AK9: variants seen among roughly 807,000 people sequenced by gnomAD.
The protein encoded by AK9 is adenylate kinase domain containing 1.
AK9 carries 191 observed loss-of-function variants against 239.6 expected under a neutral mutation model. The observed-to-expected ratio is 0.80, with a 90% CI of 0.71 to 0.90. The LOEUF (loss-of-function observed/expected upper bound fraction) is 0.90. Ranked by LOEUF, AK9 falls within the 40% of genes least tolerant of loss-of-function variation. The pLI, the probability that AK9 is intolerant of heterozygous loss-of-function variation, is 0.00. For synonymous variants in AK9, 689 were observed against 721.0 expected (o/e 0.96, Z 0.71); for missense variants, 1,995 against 2,214.7 (o/e 0.90, Z 1.99).
At chr6:109,599,081 A>G (rs375475814) in intron 17 of AK9, among the ~76,000 whole-genome samples, 7 of 152,204 alleles carry the variant, frequency 4.6e-5, no homozygotes, top group African/African-American at 1.4e-4. Context: ...TAGTTTAATT[A>G]GATTCCATTA....
intron 6 of AK9, among the ~76,000 whole-genome samples, chr6:109,660,775 A>G (rs549906635): frequency 6.6e-6 from 1 of 152,268 alleles, no homozygotes; most frequent in South Asian, 2.1e-4. Context: ...AGGGCTTTGC[A>G]ACACTAATAG....
chr6:109,603,831 A>G (rs1792446338), intron 17 of AK9, among the ~76,000 whole-genome samples: 1 of 152,206 alleles, frequency 6.6e-6, no homozygotes, highest in Non-Finnish European at 1.5e-5. Context: ...CTGCTGTGCT[A>G]GCAATGAGTG....
intron 24 of AK9, among the ~76,000 whole-genome samples, chr6:109,562,207 AT>A (rs1443903071): frequency 1.3e-5 from 2 of 151,778 alleles, no homozygotes; most frequent in South Asian, 4.2e-4. Context: ...TGCTCTTCTC[AT>A]TTTTTTTCAG....
intron 31 of AK9, among the ~76,000 whole-genome samples, 184 bp from the exon 32 acceptor site, chr6:109,514,621 G>A (rs899944376): frequency 4.6e-5 from 7 of 152,128 alleles, no homozygotes; most frequent in Non-Finnish European, 7.4e-5. Context: ...TTTTACAGCC[G>A]TATGTAATGA....
chr6:109,605,846 G>A (rs1332369212), intron 17 of AK9, among the ~76,000 whole-genome samples: 1 of 152,110 alleles, frequency 6.6e-6, no homozygotes, highest in Non-Finnish European at 1.5e-5. Flanking sequence ...CCTTAGTTGG[G>A]ATAACTGTGG....
intron 25 of AK9, chr6:109,549,664 C>CTTTTTTTTTTTTTTTTTTT (rs1196364045): frequency 5.7e-5 from 7 of 122,104 alleles, no homozygotes; most frequent in African/African-American, 1.8e-4. Flanking sequence ...TAGATATTTT[C>CTTTTTTTTTTTTTTTTTTT]TTTTTTTTTT....
intron 35 of AK9, among the ~76,000 whole-genome samples, chr6:109,504,205 A>G (rs1777877172): frequency 1.3e-5 from 2 of 151,978 alleles, no homozygotes. Context: ...CTATAAAAAC[A>G]TTTAAAAAAT....
chr6:109,593,962 G>A (rs184552786), intron 17 of AK9, among the ~76,000 whole-genome samples: 17 of 152,282 alleles, frequency 1.1e-4, no homozygotes, highest in African/African-American at 3.8e-4. Flanking sequence ...CACAAGACAA[G>A]GATGCCCTCT....
intron 33 of AK9, 73 bp downstream of exon 33, chr6:109,509,106 T>A: frequency 1.4e-6 from 2 of 1,420,106 alleles, no homozygotes; most frequent in Non-Finnish European, 1.9e-6. Flanking sequence ...ATGTAAGTGT[T>A]TTAAATCACG....
chr6:109,552,669 T>C (rs1784505399), intron 24 of AK9, among the ~76,000 whole-genome samples: 3 of 152,236 alleles, frequency 2.0e-5, no homozygotes, highest in Non-Finnish European at 2.9e-5. Context: ...TTCACTCTGA[T>C]GATAGTTTCT....
intron 21 of AK9, among the ~76,000 whole-genome samples, chr6:109,570,891 T>C (rs1450654504): frequency 2.0e-5 from 3 of 151,980 alleles, no homozygotes; most frequent in Non-Finnish European, 2.9e-5. Context: ...TAACAAATAA[T>C]GGCATTGAAA....
chr6:109,648,387 A>G (rs1458386458), intron 8 of AK9, among the ~76,000 whole-genome samples: 1 of 152,194 alleles, frequency 6.6e-6, no homozygotes, highest in African/African-American at 2.4e-5. Flanking sequence ...AAATAGACAC[A>G]ATAAAAAATG....
At chr6:109,685,422 C>T (rs746644114) in intron 1 of AK9, among the ~76,000 whole-genome samples, 10 of 152,152 alleles carry the variant, frequency 6.6e-5, no homozygotes, top group Non-Finnish European at 1.5e-4. Context: ...AATTCACATC[C>T]TTTGCAGGGA....
At chr6:109,509,019 A>G (rs769373898) in intron 33 of AK9, among the ~76,000 whole-genome samples, 160 bp downstream of exon 33, 14 of 152,190 alleles carry the variant, frequency 9.2e-5, no homozygotes, top group Non-Finnish European at 1.9e-4. Context: ...CTTGACAGAA[A>G]ATTCAAATAT....
intron 21 of AK9, among the ~76,000 whole-genome samples, chr6:109,572,424 G>A (rs1315318750): frequency 6.6e-6 from 1 of 152,180 alleles, no homozygotes; most frequent in Non-Finnish European, 1.5e-5. Context: ...AAAAGTAAAA[G>A]CTTGCAAGAG....
intron 8 of AK9, among the ~76,000 whole-genome samples, chr6:109,655,405 A>G (rs948168834): frequency 6.6e-6 from 1 of 152,196 alleles, no homozygotes; most frequent in African/African-American, 2.4e-5. Flanking sequence ...TTTTTAAAAA[A>G]TCATTTCTAT....
At chr6:109,559,719 T>C (rs1002526858) in intron 24 of AK9, among the ~76,000 whole-genome samples, 1 of 152,224 alleles carries the variant, frequency 6.6e-6, no homozygotes, top group African/African-American at 2.4e-5. Context: ...AGTAGCTTTT[T>C]TTGTTGATTC....
At chr6:109,642,482 A>G (rs1337109255) in intron 9 of AK9, among the ~76,000 whole-genome samples, 1 of 152,150 alleles carries the variant, frequency 6.6e-6, no homozygotes, top group African/African-American at 2.4e-5. Context: ...AAGCTTCTCC[A>G]TGTAGCCTGC....
chr6:109,573,760 T>C (rs938522925), intron 20 of AK9, among the ~76,000 whole-genome samples, 166 bp from the exon 21 acceptor site: 1 of 152,216 alleles, frequency 6.6e-6, no homozygotes, highest in African/African-American at 2.4e-5. Flanking sequence ...ATTATAGCTA[T>C]TCACATGTAG....
Sources: gnomAD v4.1 joint callset for allele counts (sites outside exome capture counted in the v4.1 genomes callset) on GRCh38, gnomAD v4.1.1 for gene constraint, MANE v1.5 for transcripts, NCBI Gene and HGNC (gene_info 2026-07-23, HGNC 2026-07-21) for gene names.